The following CDH26 variants were observed in gnomAD, a reference collection of about 807,000 sequenced individuals.
The protein encoded by CDH26 is cadherin-like protein 26.
CDH26 carries 83 observed loss-of-function variants against 90.3 expected under a neutral mutation model. The observed-to-expected ratio is 0.92, with a 90% CI of 0.77 to 1.10. The LOEUF is 1.10. Among genes scored for constraint, CDH26 ranks in the 50% least tolerant of loss-of-function variants. The pLI is 0.00. For synonymous variants in CDH26, 397 were observed against 396.3 expected, an observed-to-expected ratio of 1.00 and a Z score of -0.02; for missense variants, 1,013 against 1,037.6, an observed-to-expected ratio of 0.98 and a Z score of 0.33.
At chr20:59,984,944 T>C in intron 6 of CDH26, 57 bp from the exon 7 acceptor site, 1 of 1,587,992 alleles carries the variant, frequency 6.3e-7, no homozygotes, top group South Asian at 1.1e-5. Flanking sequence ...TATTTCTTTA[T>C]TAATATTTTC....
chr20:60,002,202 G>A (rs916200763), intron 15 of CDH26, among the ~76,000 whole-genome samples: 1 of 152,090 alleles, frequency 6.6e-6, no homozygotes, highest in African/African-American at 2.4e-5. Flanking sequence ...CTTTGCACAG[G>A]CAGTATCTGA....
intron 7 of CDH26, among the ~76,000 whole-genome samples, chr20:59,987,146 A>T (rs1601141847): frequency 6.6e-6 from 1 of 152,354 alleles, no homozygotes; most frequent in East Asian, 1.9e-4. Flanking sequence ...TATTATTTTT[A>T]AAATTCTTAG....
At chr20:59,967,514 T>A (rs2061164808) in intron 1 of CDH26, among the ~76,000 whole-genome samples, 1 of 152,172 alleles carries the variant, frequency 6.6e-6, no homozygotes, top group Non-Finnish European at 1.5e-5. Context: ...TTTTGATAAG[T>A]TTTTGTTTTG....
chr20:60,002,752 T>A, intron 15 of CDH26, 61 bp from the exon 16 acceptor site: 2 of 1,324,908 alleles, frequency 1.5e-6, no homozygotes, highest in Admixed American at 3.8e-5. Flanking sequence ...AATTTCTAGT[T>A]ATGTATTTGC....
chr20:59,968,975 CA>C lies in CDH26; in HGVS notation c.79del (p.Ile27LeufsTer62), dbSNP rs772305235. ...TTATTTTTATTTTTAAGGTCAGTATCATTGACAGTGTTCAACAGGAAACAGA... is the reference window on the plus strand; with the variant it reads ...TTATTTTTATTTTTAAGGTCAGTATCTTGACAGTGTTCAACAGGAAACAGA... ...LLLWLLQVSI[I>X]DSVQQETDDL... On this transcript the variant is annotated frameshift_variant, in exon 2 of 18. Transcript: ENST00000348616. LOFTEE classifies it high-confidence loss of function. 3.1e-5 allele frequency: 48 copies of C among 1,565,054 alleles called. No individual in the cohort carries two copies. In the East Asian group the frequency reaches 9.6e-4, roughly 31 times the overall value.
intron 9 of CDH26, among the ~76,000 whole-genome samples, 160 bp downstream of exon 9, chr20:59,989,323 T>C (rs1305314449): frequency 1.3e-5 from 2 of 150,490 alleles, no homozygotes; most frequent in African/African-American, 2.5e-5. Flanking sequence ...GGTCAAGAGA[T>C]CGAGACCATC....
At chr20:60,026,383 C>G (rs915703529) in intron 7 of CDH26, among the ~76,000 whole-genome samples, 11 of 114,282 alleles carry the variant, frequency 9.6e-5, no homozygotes, top group South Asian at 3.1e-4. Context: ...AGCTCTCTGG[C>G]TGGAGTTAGA....
rs2061874071 is a variant in CDH26, at chr20:60,013,403, G to C, written c.*673G>C. 1.3e-5 allele frequency: 2 copies of C among 152,206 alleles called. No homozygotes were observed. The highest frequency in any genetic ancestry group is 2.9e-5 in the Non-Finnish European group (2 of 68,032). 9.4% of individuals were successfully genotyped at this position (152,206 alleles called of 1,614,324 possible). On this transcript the variant is annotated 3_prime_UTR_variant, in exon 18 of 18. Transcript: ENST00000348616. ...GAGTTAGGAGCCTTTGAATGAGTAA[G>C]TTCTGATTAGATTTTATCTTTAAAC... is the stretch of plus-strand genomic sequence containing the variant.
intron 7 of CDH26, among the ~76,000 whole-genome samples, chr20:60,027,519 T>A (rs1163089706): frequency 6.6e-6 from 1 of 152,198 alleles, no homozygotes; most frequent in Non-Finnish European, 1.5e-5. Flanking sequence ...GTTGCAGACA[T>A]CAGTATACTT....
Position 60,006,710 on chromosome 20 carries a change from C to A in CDH26, c.2221-3C>A. 1 of 1,613,010 alleles carries A rather than the reference C, an allele frequency of 6.2e-7. No homozygotes were observed. On this transcript the variant is annotated splice_region_variant and splice_polypyrimidine_tract_variant and intron_variant, in intron 16 of 17. Transcript: ENST00000348616. Reference sequence around the variant, plus strand: ...GTATGAAGCTCTACTGGTTTGCTTGCAGGCTTACCCAGATGCCACAATGCA... The same window carrying A: ...GTATGAAGCTCTACTGGTTTGCTTGAAGGCTTACCCAGATGCCACAATGCA...
intron 1 of CDH26, among the ~76,000 whole-genome samples, chr20:59,959,163 T>C (rs914528): frequency 0.019 from 2,954 of 152,194 alleles, 41 homozygotes; most frequent in Middle Eastern, 0.041. Context: ...TGCAGTGGCA[T>C]GATCAAGGCT....
Position 59,960,742 on chromosome 20 carries a change from A to G in CDH26, c.69+1947A>G, listed in dbSNP as rs566400668. On this transcript the variant is annotated intron_variant, in intron 1 of 17. Transcript: ENST00000348616. ...TCCCTGACTCTGCACATCGTTTACC[A>G]TGGCACACATATTCCCATGGATATG... Among the ~76,000 whole-genome samples, 3 of 152,314 alleles carry G rather than the reference A, an allele frequency of 2.0e-5. No individual in the cohort carries two copies. The South Asian group carries it at 6.2e-4, about 32-fold the overall frequency.
At chr20:60,002,958 G>A in intron 16 of CDH26, 92 bp downstream of exon 16, 2 of 898,614 alleles carry the variant, frequency 2.2e-6, no homozygotes, top group East Asian at 2.8e-5. Context: ...AAATTTGGAA[G>A]GAAAGAGGTG....
chr20:59,983,568 T>C (rs923120591), intron 5 of CDH26, among the ~76,000 whole-genome samples: 21 of 152,252 alleles, frequency 1.4e-4, no homozygotes, highest in African/African-American at 4.6e-4. Context: ...GCATCTTTAA[T>C]GTTACCCATG....
Position 59,968,727 on chromosome 20 carries a change from C to T in CDH26, c.70-240C>T, listed in dbSNP as rs184189503. On this transcript the variant is annotated intron_variant, in intron 1 of 17. Transcript: ENST00000348616. Reference sequence around the variant, plus strand: ...AACAGTAGTATTTTATGATTTTAAACGTCTCCCCACCATTGGTAATAATAA... The same window carrying T: ...AACAGTAGTATTTTATGATTTTAAATGTCTCCCCACCATTGGTAATAATAA... 2.9e-3 allele frequency among the ~76,000 whole-genome samples: 447 copies of T among 152,238 alleles called. 2 individuals carry two copies. Among genetic ancestry groups the T allele is most frequent in the Non-Finnish European group, 4.9e-3 (333 of 68,028 alleles).
At chr20:59,972,662 C>T (rs1272128435) in intron 4 of CDH26, among the ~76,000 whole-genome samples, 1 of 152,174 alleles carries the variant, frequency 6.6e-6, no homozygotes, top group African/African-American at 2.4e-5. Context: ...AAGCCCTGAA[C>T]CATGTATCAC....
At chr20:59,959,692 G>A (rs1255472798) in intron 1 of CDH26, among the ~76,000 whole-genome samples, 3 of 152,128 alleles carry the variant, frequency 2.0e-5, no homozygotes, top group African/African-American at 4.8e-5. Flanking sequence ...GAGACACTGC[G>A]CCCTGCCAAG....
downstream of CDH26, among the ~76,000 whole-genome samples, chr20:60,034,870 G>T (rs2062071729): frequency 6.6e-6 from 1 of 152,228 alleles, no homozygotes; most frequent in Non-Finnish European, 1.5e-5. Context: ...CGGCACAGGT[G>T]GGGAAGGCCA....
At chr20:59,966,372 A>C (rs2061149519) in intron 1 of CDH26, among the ~76,000 whole-genome samples, 1 of 152,208 alleles carries the variant, frequency 6.6e-6, no homozygotes, top group African/African-American at 2.4e-5. Flanking sequence ...CCACTCACGA[A>C]GAGTGTTTAA....
Sources: gnomAD v4.1 joint callset for allele counts (sites outside exome capture counted in the v4.1 genomes callset) on GRCh38, gnomAD v4.1.1 for gene constraint, MANE v1.5 for transcripts, NCBI Gene and HGNC (gene_info 2026-07-23, HGNC 2026-07-21) for gene names.